Variants in H2BC18 observed in about 807,000 individuals in gnomAD.
The protein encoded by H2BC18 is histone H2B type 2-F.
A neutral mutation model predicts 6.3 loss-of-function variants in H2BC18; 8 were observed. The ratio of observed to expected loss-of-function variants is 1.28; its 90% confidence interval spans 0.75 to 2.31. H2BC18 has a LOEUF of 2.31. Ranked by LOEUF, H2BC18 falls within the 30% of genes most tolerant of loss-of-function variation. The pLI, the probability that H2BC18 is intolerant of heterozygous loss-of-function variation, is 0.00. For synonymous variants in H2BC18, 104 were observed against 78.1 expected (o/e 1.33, Z -1.75); for missense variants, 106 against 174.5 (o/e 0.61, Z 2.21).
intron 1 of H2BC18, among the ~76,000 whole-genome samples, chr1:149,788,849 C>A (rs1442799242): frequency 6.6e-6 from 1 of 152,076 alleles, no homozygotes; most frequent in African/African-American, 2.4e-5. Context: ...ATCACAGGAG[C>A]TAATGTCAAT....
At chr1:149,809,577 T>G (rs2091953256), downstream of H2BC18, among the ~76,000 whole-genome samples, 1 of 145,468 alleles carries the variant, frequency 6.9e-6, no homozygotes, top group East Asian at 2.0e-4. Context: ...GAAGCTATTT[T>G]ATAGTAGGCA....
intron 1 of H2BC18, among the ~76,000 whole-genome samples, chr1:149,804,673 T>C (rs1450619385): frequency 1.3e-5 from 2 of 152,124 alleles, no homozygotes; most frequent in Non-Finnish European, 2.9e-5. Context: ...GTGCTTTGGG[T>C]ACATTACCTC....
chr1:149,791,718 C>A (rs1281547968), intron 1 of H2BC18: 33 of 655,956 alleles, frequency 5.0e-5, no homozygotes, highest in Non-Finnish European at 8.5e-5. Context: ...TGAAATGAGG[C>A]CTACTCTAAA....
intron 1 of H2BC18, among the ~76,000 whole-genome samples, chr1:149,797,711 C>T (rs1198289347): frequency 6.6e-6 from 1 of 152,172 alleles, no homozygotes; most frequent in East Asian, 1.9e-4. Context: ...GATCCTCCTG[C>T]CTCGGCCTCC....
intron 1 of H2BC18, chr1:149,789,982 A>G: frequency 6.2e-7 from 1 of 1,612,924 alleles, no homozygotes; most frequent in Admixed American, 1.7e-5. Context: ...AAGGGGGTAA[A>G]GGGCATGTCT....
intron 1 of H2BC18, chr1:149,791,190 T>C: frequency 6.2e-7 from 1 of 1,605,694 alleles, no homozygotes; most frequent in Non-Finnish European, 8.5e-7. Flanking sequence ...GCTAGACCCC[T>C]CTGGTCTCTA....
At chr1:149,802,344 T>G (rs1438248353) in intron 1 of H2BC18, among the ~76,000 whole-genome samples, 1 of 152,094 alleles carries the variant, frequency 6.6e-6, no homozygotes, top group Non-Finnish European at 1.5e-5. Flanking sequence ...ATGGCTAATA[T>G]ATATACAAGT....
chr1:149,800,482 CT>C (rs1553753196), intron 1 of H2BC18, among the ~76,000 whole-genome samples: 1 of 144,232 alleles, frequency 6.9e-6, no homozygotes, highest in Admixed American at 7.0e-5. Context: ...CTGAAGCTAC[CT>C]AGGGGCTGCC....
Position 149,812,312 on chromosome 1 carries a change from T to C in H2BC18, c.12A>G (p.Pro4=), listed in dbSNP as rs2101509663. MPD[P]AKSAPAPKKG... ...TCTTGGGAGCAGGAGCGGATTTCGCTGGATCCGGCATTTTTGCGCGAAAAA... is the reference window on the plus strand; with the variant it reads ...TCTTGGGAGCAGGAGCGGATTTCGCCGGATCCGGCATTTTTGCGCGAAAAA... The change falls in exon 1 of 1, where the codon CCA becomes CCG. Residue 4 remains proline, a synonymous_variant. Transcript: ENST00000369167. 3.1e-6 allele frequency: 5 copies of C among 1,614,058 alleles called. No individual in the cohort carries two copies. The highest frequency in any genetic ancestry group is 4.2e-6 in the Non-Finnish European group (5 of 1,180,022).
chr1:149,793,562 G>C (rs1276506326), intron 1 of H2BC18, among the ~76,000 whole-genome samples: 15 of 151,950 alleles, frequency 9.9e-5, no homozygotes, highest in Non-Finnish European at 2.1e-4. Context: ...GAGGGGTGGT[G>C]GGGTGGAGGA....
intron 1 of H2BC18, among the ~76,000 whole-genome samples, chr1:149,797,684 C>T (rs183110328): frequency 1.8e-3 from 277 of 152,190 alleles, no homozygotes; most frequent in African/African-American, 6.4e-3. Context: ...TGTAACCCTC[C>T]GCCTCCCAGG....
At chr1:149,790,692 G>A (rs1553751703) in intron 1 of H2BC18, among the ~76,000 whole-genome samples, 2 of 130,816 alleles carry the variant, frequency 1.5e-5, no homozygotes, top group African/African-American at 6.0e-5. Flanking sequence ...CTGCTTCCCT[G>A]CCTCCCTCCT....
chr1:149,782,933 G>T, exon 2 of H2BC18: 1 of 1,483,048 alleles, frequency 6.7e-7, no homozygotes, highest in South Asian at 1.2e-5. Flanking sequence ...TTATGAAAAG[G>T]ATGGGAAGGG....
At chr1:149,789,010 G>A (rs1436835083) in intron 1 of H2BC18, among the ~76,000 whole-genome samples, 4 of 151,782 alleles carry the variant, frequency 2.6e-5, no homozygotes, top group Non-Finnish European at 4.4e-5. Flanking sequence ...TATGAAGAAC[G>A]GGCTATACTG....
chr1:149,793,329 C>A, intron 1 of H2BC18: 1 of 1,147,820 alleles, frequency 8.7e-7, no homozygotes, highest in East Asian at 9.5e-5. Context: ...GGTTCCCTCA[C>A]CGTCAAAAGC....
At chr1:149,803,008 A>G (rs2091888324) in intron 1 of H2BC18, among the ~76,000 whole-genome samples, 1 of 152,206 alleles carries the variant, frequency 6.6e-6, no homozygotes. Context: ...CTCCTCTGGT[A>G]ACACCCTCAC....
chr1:149,796,227 T>C (rs1267533923), intron 1 of H2BC18, among the ~76,000 whole-genome samples: 5 of 152,164 alleles, frequency 3.3e-5, no homozygotes, highest in Non-Finnish European at 7.3e-5. Context: ...TTAGAGAAGA[T>C]TAAAAAAAGA....
chr1:149,808,178 A>G (rs1268065489), downstream of H2BC18, among the ~76,000 whole-genome samples: 7 of 152,238 alleles, frequency 4.6e-5, no homozygotes, highest in Admixed American at 1.3e-4. Flanking sequence ...AAAAAGTTGA[A>G]AGAGGTTACA....
Position 149,811,943 on chromosome 1 carries a change from T to C in H2BC18, c.381A>G (p.Ter127=), listed in dbSNP as rs1294657460. The part of the protein sequence containing the change: ...KAVTKYTSSK[*] ...GATCTATTGCGTCCCTTGCACACTC[T>C]TACTTCGAGCTGGTGTACTTGGTGA... The change falls in exon 1 of 1, where the codon TAA becomes TAG. Residue 127 remains the stop codon, a stop_retained_variant. Transcript: ENST00000369167. 1.9e-6 allele frequency: 3 copies of C among 1,612,844 alleles called. No individual in the cohort carries two copies. The African/African-American group carries it at 4.0e-5, about 22-fold the overall frequency.
Sources: allele counts gnomAD v4.1 joint callset (sites outside exome capture counted in the v4.1 genomes callset), GRCh38; gene constraint gnomAD v4.1.1; transcripts MANE v1.5; gene names NCBI Gene and HGNC (gene_info 2026-07-23, HGNC 2026-07-21).